Variants in ANKRD17 observed in about 807,000 individuals in gnomAD.
ANKRD17 encodes the protein ankyrin repeat domain-containing protein 17.
Under a neutral mutation model 229.7 loss-of-function variants are expected in ANKRD17, and 19 were observed. The observed-to-expected ratio is 0.08, with a 90% CI of 0.06 to 0.12. ANKRD17 has a LOEUF of 0.12. ANKRD17 is among the 10% of genes least tolerant of loss of function. The pLI, the probability that ANKRD17 is intolerant of heterozygous loss-of-function variation, is 1.00. For synonymous variants in ANKRD17, 1,112 were observed against 1,146.1 expected (o/e 0.97, Z 0.60); for missense variants, 2,176 against 3,176.8 (o/e 0.68, Z 7.57).
intron 29 of ANKRD17, among the ~76,000 whole-genome samples, chr4:73,086,373 CA>C (rs956808656): frequency 1.3e-5 from 2 of 151,926 alleles, no homozygotes; most frequent in Non-Finnish European, 2.9e-5. Flanking sequence ...TTTTAGATAA[CA>C]TTTTTTTTTA....
chr4:73,250,768 G>A (rs543594338), intron 1 of ANKRD17, among the ~76,000 whole-genome samples: 36 of 151,542 alleles, frequency 2.4e-4, no homozygotes, highest in Non-Finnish European at 4.0e-4. Flanking sequence ...GTGCAAGGGC[G>A]CGATCTCTGC....
chr4:73,186,311 C>T (rs6446916), intron 1 of ANKRD17, among the ~76,000 whole-genome samples: 150,104 of 152,112 alleles, frequency 0.99, 74,091 homozygotes, highest in East Asian at 1. Context: ...AAGTATAAGA[C>T]TGAAATTTGA....
At chr4:73,084,350 AAAAG>A (rs1251890990) in intron 30 of ANKRD17, among the ~76,000 whole-genome samples, 8 of 152,214 alleles carry the variant, frequency 5.3e-5, no homozygotes, top group African/African-American at 1.9e-4. Flanking sequence ...TCAAATAAAA[AAAAG>A]AAAGAAAGAA....
intron 7 of ANKRD17, among the ~76,000 whole-genome samples, chr4:73,150,593 C>CA (rs1730878994): frequency 1.3e-5 from 2 of 151,858 alleles, no homozygotes; most frequent in African/African-American, 4.8e-5. Flanking sequence ...ATAAGGAAAA[C>CA]AACAGATAAC....
At chr4:73,135,022 A>C in intron 16 of ANKRD17, 95 bp downstream of exon 16, 1 of 1,278,982 alleles carries the variant, frequency 7.8e-7, no homozygotes, top group Non-Finnish European at 1.1e-6. Context: ...CTAGAGACAA[A>C]GCAGTCTTTC....
chr4:73,199,777 C>G (rs1738402386), intron 1 of ANKRD17, among the ~76,000 whole-genome samples: 1 of 152,164 alleles, frequency 6.6e-6, no homozygotes, highest in Non-Finnish European at 1.5e-5. Flanking sequence ...CTTCATCTGT[C>G]TTTTTGTTGT....
chr4:73,154,656 TA>T (rs2148881744), intron 5 of ANKRD17, among the ~76,000 whole-genome samples: 1 of 152,266 alleles, frequency 6.6e-6, no homozygotes, highest in South Asian at 2.1e-4. Flanking sequence ...TTTCTGCTGA[TA>T]AAAATTTCCC....
intron 24 of ANKRD17, among the ~76,000 whole-genome samples, chr4:73,109,140 A>C (rs533518960): frequency 1.3e-5 from 2 of 152,232 alleles, no homozygotes; most frequent in East Asian, 3.9e-4. Context: ...TCTCTACCAA[A>C]AATACAAAAA....
At chr4:73,102,746 A>G (rs1355286025) in intron 24 of ANKRD17, 199 bp from the exon 25 acceptor site, 6 of 529,044 alleles carry the variant, frequency 1.1e-5, no homozygotes, top group African/African-American at 2.0e-5. Flanking sequence ...CAAATTAACA[A>G]TATAAGACTA....
At chr4:73,230,686 G>A (rs774481979) in intron 1 of ANKRD17, among the ~76,000 whole-genome samples, 12 of 152,048 alleles carry the variant, frequency 7.9e-5, no homozygotes, top group Admixed American at 3.9e-4. Context: ...GATACAAAAC[G>A]CTTCATCCAG....
intron 1 of ANKRD17, among the ~76,000 whole-genome samples, chr4:73,243,800 T>C (rs531705626): frequency 1.9e-4 from 29 of 152,208 alleles, no homozygotes; most frequent in Admixed American, 1.9e-3. Context: ...TTCTGGTCAA[T>C]GGGATATAAT....
chr4:73,143,897 T>G (rs2148827969), intron 11 of ANKRD17, among the ~76,000 whole-genome samples: 1 of 152,176 alleles, frequency 6.6e-6, no homozygotes, highest in Non-Finnish European at 1.5e-5. Context: ...CAAGCCACCA[T>G]GCCCAGCTAA....
In ANKRD17 at chr4:73,147,340, T is replaced by C; in HGVS notation, c.1660A>G (p.Ile554Val). Reference protein sequence around the residue: ...GGFLEVADFLIKAGADIELGC... With the variant: ...GGFLEVADFLVKAGADIELGC... ...AGTTCTATATCGGCTCCTGCCTTAA[T>C]TAGAAAGTCTGCCACTTCCAGAAAG... is the stretch of plus-strand genomic sequence containing the variant. Residue 554 changes from isoleucine (I) to valine (V), a missense_variant, in exon 9 of 34, where the codon ATT becomes GTT. This residue lies in a region of ANKRD17 where 275 missense variants were observed against 386.9 expected (regional missense o/e 0.71). Transcript: ENST00000358602. 3.1e-6 allele frequency: 5 copies of C among 1,610,398 alleles called. No homozygotes were observed. The highest frequency in any genetic ancestry group is 4.2e-6 in the Non-Finnish European group (5 of 1,177,878).
intron 22 of ANKRD17, 123 bp from the exon 23 acceptor site, chr4:73,116,039 A>T (rs551320018): frequency 1.4e-6 from 1 of 731,378 alleles, no homozygotes; most frequent in East Asian, 2.5e-5. Flanking sequence ...GCATATTTAC[A>T]CTATAAATGA....
chr4:73,163,245 C>A (rs1470571711), intron 2 of ANKRD17, among the ~76,000 whole-genome samples: 1 of 152,002 alleles, frequency 6.6e-6, no homozygotes, highest in Admixed American at 6.6e-5. Context: ...CTGGCACCTA[C>A]ATATTTTAAA....
intron 1 of ANKRD17, among the ~76,000 whole-genome samples, chr4:73,228,899 A>G (rs1432682227): frequency 6.6e-6 from 1 of 152,210 alleles, no homozygotes; most frequent in Non-Finnish European, 1.5e-5. Flanking sequence ...TCCAACAATG[A>G]TAGACTGGAT....
chr4:73,231,140 A>C (rs1743004045), intron 1 of ANKRD17, among the ~76,000 whole-genome samples: 1 of 152,008 alleles, frequency 6.6e-6, no homozygotes, highest in Non-Finnish European at 1.5e-5. Flanking sequence ...AATACACACC[A>C]CACACACACA....
chr4:73,122,075 TA>T (rs1225854948), intron 18 of ANKRD17, among the ~76,000 whole-genome samples: 1 of 152,032 alleles, frequency 6.6e-6, no homozygotes, highest in Non-Finnish European at 1.5e-5. Context: ...TAAAATAGAG[TA>T]ATATGGGACA....
At chr4:73,097,408 C>T in intron 26 of ANKRD17, 136 bp from the exon 27 acceptor site, 1 of 671,244 alleles carries the variant, frequency 1.5e-6, no homozygotes, top group Non-Finnish European at 2.3e-6. Flanking sequence ...CACTTCTCCT[C>T]ATATTTAGCA....
Sources: allele counts gnomAD v4.1 joint callset (sites outside exome capture counted in the v4.1 genomes callset), GRCh38; gene constraint gnomAD v4.1.1; regional missense constraint gnomAD v4.1.1; transcripts MANE v1.5; gene names NCBI Gene and HGNC (gene_info 2026-07-23, HGNC 2026-07-21).